PCDHGA12: variants seen among roughly 807,000 people sequenced by gnomAD.
The protein encoded by PCDHGA12 is protocadherin gamma subfamily A, 12.
Under a neutral mutation model 61.1 loss-of-function variants are expected in PCDHGA12, and 43 were observed. That is an observed-to-expected ratio of 0.70 (90% confidence interval 0.55 to 0.91). PCDHGA12 has a LOEUF of 0.91. Among genes scored for constraint, PCDHGA12 ranks in the 40% least tolerant of loss-of-function variants. The pLI, the probability that PCDHGA12 is intolerant of heterozygous loss-of-function variation, is 0.00. For synonymous variants in PCDHGA12, 520 were observed against 542.9 expected (o/e 0.96, Z 0.59); for missense variants, 1,236 against 1,227.7 (o/e 1.01, Z -0.10).
rs779191558 is a variant in PCDHGA12 at position 141,491,465 on chromosome 5, A to T, written c.2425-3342A>T. 3.1e-6 allele frequency: 5 copies of T among 1,614,092 alleles called. No homozygotes were observed. Among genetic ancestry groups the T allele is most frequent in the Non-Finnish European group, 4.2e-6 (5 of 1,180,010 alleles). On this transcript the variant is annotated intron_variant, in intron 1 of 3. Transcript: ENST00000252085. The surrounding 1 kb of genome is among the most constrained non-coding windows in gnomAD (Gnocchi z 6.9). ...CAGGACTCACCCTCCCCGGACTTCT[A>T]TAAGCAGTCCAGCCCCAACCTGCAG... is the stretch of plus-strand genomic sequence containing the variant.
chr5:141,509,148 C>T (rs1345910772), intron 3 of PCDHGA12, among the ~76,000 whole-genome samples: 1 of 152,198 alleles, frequency 6.6e-6, no homozygotes, highest in Non-Finnish European at 1.5e-5. Context: ...CATCCCGGCT[C>T]TCCCCTCCCG....
Position 141,430,509 on chromosome 5 carries a change from G to T in PCDHGA12, c.-251G>T. The T allele has an allele frequency of 3.0e-6, 1 of 328,564 alleles. No homozygotes were observed. 20.4% of individuals were successfully genotyped at this position (328,564 alleles called of 1,614,324 possible). On this transcript the variant is annotated 5_prime_UTR_variant, in exon 1 of 4. Coordinates refer to ENST00000252085, the MANE Select transcript of PCDHGA12 (RefSeq NM_003735.3). Reference sequence around the variant, plus strand: ...CGAAATATCCTTTCTGGGAGTTCAAGATTGTGCAGTAATTGGTTAGGACTC... The same window carrying T: ...CGAAATATCCTTTCTGGGAGTTCAATATTGTGCAGTAATTGGTTAGGACTC...
rs1193417991 is a variant in PCDHGA12 at position 141,491,413 on chromosome 5, G to T, written c.2425-3394G>T. The T allele has an allele frequency of 6.2e-7, 1 of 1,614,064 alleles. No individual in the cohort carries two copies. Among genetic ancestry groups the T allele is most frequent in the South Asian group, 1.1e-5 (1 of 91,074 alleles). ...CCTTCAGGGAAACGCAGACGGGGAC[G>T]GGGGTGGAGGGCAGTGCTGCAGGCG... On this transcript the variant is annotated intron_variant, in intron 1 of 3. Transcript: ENST00000252085. This position sits in a 1 kb window ranked among gnomAD's most constrained non-coding sequence, Gnocchi z 6.9.
chr5:141,491,800 C>T lies in PCDHGA12; in HGVS notation c.2425-3007C>T. The T allele has an allele frequency of 6.7e-7, 1 of 1,500,854 alleles. No individual in the cohort carries two copies. Among genetic ancestry groups the T allele is most frequent in the Non-Finnish European group, 8.9e-7 (1 of 1,125,316 alleles). 93.0% of individuals were successfully genotyped at this position (1,500,854 alleles called of 1,614,324 possible). A position where few individuals can be genotyped will look rare whatever the true frequency, so the allele number is the denominator to read the frequency against. Reference sequence around the variant, plus strand: ...GAACTTGCATCCACTCCTCTCCGGCCGGCTTGGTCGCTGGCTGCGCTCCAC... The same window carrying T: ...GAACTTGCATCCACTCCTCTCCGGCTGGCTTGGTCGCTGGCTGCGCTCCAC... On this transcript the variant is annotated intron_variant, in intron 1 of 3. Transcript: ENST00000252085. The surrounding 1 kb of genome is among the most constrained non-coding windows in gnomAD (Gnocchi z 6.9).
chr5:141,452,358 T>C (rs2098739424), intron 1 of PCDHGA12, among the ~76,000 whole-genome samples: 1 of 152,236 alleles, frequency 6.6e-6, no homozygotes, highest in African/African-American at 2.4e-5. Context: ...CCAAAAGCCT[T>C]GCTTCATTTT....
At chr5:141,495,852 TCTCA>T (rs1473070626) in intron 2 of PCDHGA12, among the ~76,000 whole-genome samples, 1 of 152,174 alleles carries the variant, frequency 6.6e-6, no homozygotes, top group Non-Finnish European at 1.5e-5. Flanking sequence ...TTTCTCTGTC[TCTCA>T]CTATTTCTGC....
intron 3 of PCDHGA12, among the ~76,000 whole-genome samples, chr5:141,506,444 CAAAAAAAAAA>C (rs1219684339): frequency 8.4e-5 from 8 of 95,030 alleles, no homozygotes; most frequent in Non-Finnish European, 1.3e-4. Context: ...CGCTCTGTCT[CAAAAAAAAAA>C]AAAAAAAAAA....
intron 1 of PCDHGA12, among the ~76,000 whole-genome samples, chr5:141,456,911 C>T (rs1262649726): frequency 2.0e-5 from 3 of 151,928 alleles, no homozygotes; most frequent in Non-Finnish European, 4.4e-5. Flanking sequence ...TGCAGTGAGC[C>T]GAGATCGCAC....
intron 1 of PCDHGA12, among the ~76,000 whole-genome samples, chr5:141,466,863 C>A (rs1409042461): frequency 1.3e-5 from 2 of 152,070 alleles, no homozygotes; most frequent in African/African-American, 4.8e-5. Context: ...ATTTTGAAAT[C>A]CACACATTTT....
At chr5:141,464,883 T>G (rs995385615) in intron 1 of PCDHGA12, among the ~76,000 whole-genome samples, 1 of 152,086 alleles carries the variant, frequency 6.6e-6, no homozygotes, top group African/African-American at 2.4e-5. Flanking sequence ...GGACTACAGA[T>G]GGATGCCACC....
At chr5:141,451,151 A>AT (rs1324071351) in intron 1 of PCDHGA12, among the ~76,000 whole-genome samples, 2 of 152,190 alleles carry the variant, frequency 1.3e-5, no homozygotes, top group Admixed American at 6.5e-5. Context: ...TAGACTAGAC[A>AT]TTTTTTTGGT....
chr5:141,445,361 G>A (rs2098464750), intron 1 of PCDHGA12, among the ~76,000 whole-genome samples: 2 of 152,138 alleles, frequency 1.3e-5, no homozygotes, highest in African/African-American at 4.8e-5. Context: ...GCCCAAGTCT[G>A]GTCCTGGGTG....
chr5:141,464,048 T>C (rs377735829), intron 1 of PCDHGA12, among the ~76,000 whole-genome samples: 1 of 152,260 alleles, frequency 6.6e-6, no homozygotes, highest in South Asian at 2.1e-4. Context: ...GTGGATCACC[T>C]GAGGTCAGGA....
intron 1 of PCDHGA12, 157 bp from the exon 2 acceptor site, chr5:141,494,645 GTGTAT>G: frequency 1.1e-6 from 1 of 935,948 alleles, no homozygotes; most frequent in Non-Finnish European, 1.3e-6. Context: ...GAGACCTGAG[GTGTAT>G]TTTGTCTTTG....
At chr5:141,508,830 C>G (rs1320903059) in intron 3 of PCDHGA12, among the ~76,000 whole-genome samples, 2 of 152,150 alleles carry the variant, frequency 1.3e-5, no homozygotes, top group Non-Finnish European at 2.9e-5. Flanking sequence ...CTGGGCCCCC[C>G]TCCCCTACCC....
chr5:141,486,940 A>T lies in PCDHGA12; in HGVS notation c.2425-7867A>T. ...CTCCATCAGTTGGTGCTGGCCACCTAATCACAAAGGTGACTGCTGTGGACT... is the reference window on the plus strand; with the variant it reads ...CTCCATCAGTTGGTGCTGGCCACCTTATCACAAAGGTGACTGCTGTGGACT... On this transcript the variant is annotated intron_variant, in intron 1 of 3. Coordinates refer to ENST00000252085, the MANE Select transcript of PCDHGA12 (RefSeq NM_003735.3). This position sits in a 1 kb window ranked among gnomAD's most constrained non-coding sequence, Gnocchi z 5.0. 6.2e-7 allele frequency: 1 copy of T among 1,614,188 alleles called. No homozygotes were observed. Among genetic ancestry groups the T allele is most frequent in the Non-Finnish European group, 8.5e-7 (1 of 1,180,032 alleles).
At chr5:141,503,325 G>A (rs1002520312) in intron 2 of PCDHGA12, among the ~76,000 whole-genome samples, 10 of 152,104 alleles carry the variant, frequency 6.6e-5, no homozygotes, top group East Asian at 1.9e-4. Flanking sequence ...GGAGGGGCGC[G>A]GTGGCTCACG....
chr5:141,490,862 C>G lies in PCDHGA12; in HGVS notation c.2425-3945C>G. 1 of 1,613,878 alleles carries G rather than the reference C, an allele frequency of 6.2e-7. No homozygotes were observed. Among genetic ancestry groups the G allele is most frequent in the East Asian group, 2.2e-5 (1 of 44,874 alleles). ...GTGGTGGGGGTTCGAGACTCCGGCTCTCCCCCATTGCATGCCAACACATCT... is the reference window on the plus strand; with the variant it reads ...GTGGTGGGGGTTCGAGACTCCGGCTGTCCCCCATTGCATGCCAACACATCT... On this transcript the variant is annotated intron_variant, in intron 1 of 3. Coordinates refer to ENST00000252085, the MANE Select transcript of PCDHGA12 (RefSeq NM_003735.3). The surrounding 1 kb of genome is among the most constrained non-coding windows in gnomAD (Gnocchi z 5.4).
intron 1 of PCDHGA12, among the ~76,000 whole-genome samples, chr5:141,453,315 T>A (rs1410108522): frequency 6.6e-6 from 1 of 151,214 alleles, no homozygotes; most frequent in African/African-American, 2.5e-5. Context: ...TTATTTATTT[T>A]AGAGATGGGG....
Sources: allele counts gnomAD v4.1 joint callset (sites outside exome capture counted in the v4.1 genomes callset), GRCh38; gene constraint gnomAD v4.1.1; non-coding constraint Gnocchi (gnomAD v3.1); transcripts MANE v1.5; gene names NCBI Gene and HGNC (gene_info 2026-07-23, HGNC 2026-07-21).